TRAF3IP3: variants seen among roughly 807,000 people sequenced by gnomAD.
The protein encoded by TRAF3IP3 is TRAF3-interacting JNK-activating modulator.
Under a neutral mutation model 86.5 loss-of-function variants are expected in TRAF3IP3, and 64 were observed. The observed-to-expected ratio is 0.74, with a 90% CI of 0.60 to 0.91. The LOEUF (loss-of-function observed/expected upper bound fraction) is 0.91. Ranked by LOEUF, TRAF3IP3 falls within the 40% of genes least tolerant of loss-of-function variation. TRAF3IP3 has a pLI of 0.00. For missense variants in TRAF3IP3, 579 were observed against 642.9 expected, an observed-to-expected ratio of 0.90 and a Z score of 1.07; for synonymous variants, 220 against 243.9, an observed-to-expected ratio of 0.90 and a Z score of 0.91.
At chr1:209,766,021 G>A (rs1442499439) in intron 8 of TRAF3IP3, among the ~76,000 whole-genome samples, 1 of 152,170 alleles carries the variant, frequency 6.6e-6, no homozygotes, top group Non-Finnish European at 1.5e-5. Context: ...GCACCGGGTG[G>A]AAAGAGATGG....
intron 1 of TRAF3IP3, among the ~76,000 whole-genome samples, chr1:209,756,860 G>C (rs887434379): frequency 6.6e-6 from 1 of 152,224 alleles, no homozygotes; most frequent in African/African-American, 2.4e-5. Context: ...TGAGAGACCA[G>C]GCTGAGCCTT....
intron 11 of TRAF3IP3, 109 bp downstream of exon 11, chr1:209,775,845 C>T: frequency 9.6e-7 from 1 of 1,037,428 alleles, no homozygotes; most frequent in African/African-American, 1.6e-5. Context: ...CAGCATCTGG[C>T]TTTCAGTTCC....
chr1:209,766,060 A>G (rs1038890054), intron 8 of TRAF3IP3, among the ~76,000 whole-genome samples: 15 of 152,220 alleles, frequency 9.9e-5, no homozygotes, highest in African/African-American at 3.4e-4. Context: ...CCTGTGTGAC[A>G]TCTCACCCTA....
In TRAF3IP3 at chr1:209,779,406, T is replaced by C. The variant is rs1170535167; in HGVS notation, c.1312+32T>C. On this transcript the variant is annotated intron_variant, in intron 14 of 16. Coordinates refer to ENST00000367025, the MANE Select transcript of TRAF3IP3 (RefSeq NM_025228.4). ...AAATTTATTACCACAAATTCTAAGA[T>C]ATTGCTCTTCTCTTACCTGCCTAGA... 1.9e-6 allele frequency: 3 copies of C among 1,591,170 alleles called. No individual in the cohort carries two copies. In the South Asian group the frequency reaches 3.3e-5, roughly 18 times the overall value.
At chr1:209,767,850 A>G (rs1344081585) in intron 8 of TRAF3IP3, among the ~76,000 whole-genome samples, 1 of 152,086 alleles carries the variant, frequency 6.6e-6, no homozygotes, top group Non-Finnish European at 1.5e-5. Flanking sequence ...ATTAAGAGAC[A>G]TTTCTGGGTT....
At chr1:209,770,967 CGTGTGCATGTGGAGGTGTGT>C (rs2077484516) in intron 8 of TRAF3IP3, among the ~76,000 whole-genome samples, 2 of 59,254 alleles carry the variant, frequency 3.4e-5, no homozygotes, top group African/African-American at 6.6e-5. Context: ...TGGAGGGGTG[CGTGTGCATGTGGAGGTGTGT>C]GTGTGCAGGT....
chr1:209,763,580 CT>C lies in TRAF3IP3; in HGVS notation c.697del (p.Trp233GlyfsTer10). On this transcript the variant is annotated frameshift_variant, in exon 8 of 17. Transcript: ENST00000367025. LOFTEE classifies it high-confidence loss of function. The part of the protein sequence containing the change: ...LSTLIQASDS[S>X]WKGQLNEDKL... ...ACTCTGATTCAGGCCTCTGACAGCT[CT>C]TGGAAGGTAAGGGAATGAAATTCTT... is the stretch of plus-strand genomic sequence containing the variant. 1 of 1,613,140 alleles carries C rather than the reference CT, an allele frequency of 6.2e-7. No individual in the cohort carries two copies. The highest frequency in any genetic ancestry group is 8.5e-7 in the Non-Finnish European group (1 of 1,179,264).
At chr1:209,763,184 G>A (rs2077278355) in intron 6 of TRAF3IP3, 92 bp downstream of exon 6, 6 of 1,469,560 alleles carry the variant, frequency 4.1e-6, no homozygotes, top group South Asian at 1.1e-5. Context: ...GGGATGGAGG[G>A]GCATCTTCTT....
At chr1:209,768,333 C>T (rs1350299637) in intron 8 of TRAF3IP3, 1 of 985,316 alleles carries the variant, frequency 1.0e-6, no homozygotes, top group Non-Finnish European at 1.2e-6. Context: ...ATACCATAGG[C>T]TCTGGGGCAC....
At chr1:209,780,342 A>G in intron 14 of TRAF3IP3, 128 bp from the exon 15 acceptor site, 3 of 789,964 alleles carry the variant, frequency 3.8e-6, no homozygotes, top group African/African-American at 3.5e-5. Flanking sequence ...AGAGAATGCC[A>G]TCAGTCTAGC....
In TRAF3IP3 at chr1:209,760,249, C is replaced by T; in HGVS notation, c.210C>T (p.Asn70=). The T allele has an allele frequency of 1.9e-6, 3 of 1,614,230 alleles. No individual in the cohort carries two copies. The highest frequency in any genetic ancestry group is 2.5e-6 in the Non-Finnish European group (3 of 1,180,046). The change falls in exon 3 of 17, where the codon AAC becomes AAT. Residue 70 remains asparagine, a synonymous_variant. Coordinates refer to ENST00000367025, the MANE Select transcript of TRAF3IP3 (RefSeq NM_025228.4). ...TGCAGCAGTTCTTCAGGAGGAGGAA[C>T]CTGGAGCTAGAGGAGAAGGGCAAAG... ...ARLQQFFRRR[N]LELEEKGKAQ...
intron 8 of TRAF3IP3, among the ~76,000 whole-genome samples, chr1:209,767,673 T>C (rs1448292066): frequency 6.6e-6 from 1 of 150,652 alleles, no homozygotes; most frequent in East Asian, 1.9e-4. Flanking sequence ...AGACCCTGTC[T>C]TGAAAAAAAA....
chr1:209,778,349 G>A, intron 13 of TRAF3IP3, 176 bp downstream of exon 13: 1 of 529,454 alleles, frequency 1.9e-6, no homozygotes, highest in South Asian at 2.9e-5. Flanking sequence ...CATAAATTAT[G>A]TGTTAGCCTC....
chr1:209,760,079 C>G lies in TRAF3IP3; in HGVS notation c.40C>G (p.Arg14Gly). The G allele has an allele frequency of 6.2e-7, 1 of 1,614,016 alleles. No homozygotes were observed. The highest frequency in any genetic ancestry group is 8.5e-7 in the Non-Finnish European group (1 of 1,179,978). The part of the protein sequence containing the change: ...PDPRPSPGLA[R>G]WAESYEAKCE... ...CCCCAGGCCCTCCCCTGGCTTGGCC[C>G]GGTGGGCTGAGAGCTATGAGGCCAA... is the stretch of plus-strand genomic sequence containing the variant. Residue 14 changes from arginine (R) to glycine (G), a missense_variant, in exon 3 of 17, where the codon CGG becomes GGG. Physicochemically the swap from Arg to Gly is moderately radical, Grantham distance 125. Coordinates refer to ENST00000367025, the MANE Select transcript of TRAF3IP3 (RefSeq NM_025228.4).
intron 11 of TRAF3IP3, 93 bp downstream of exon 11, chr1:209,775,829 AG>A: frequency 2.4e-6 from 3 of 1,260,350 alleles, no homozygotes; most frequent in Admixed American, 2.6e-5. Context: ...CTCCAAAGGC[AG>A]CTGACAGCAT....
rs1014393622 is a variant in TRAF3IP3 at position 209,778,235 on chromosome 1, AG to A, written c.1252+64del. The A allele has an allele frequency of 2.1e-6, 3 of 1,425,136 alleles. No homozygotes were observed. In the African/African-American group the frequency reaches 4.2e-5, roughly 20 times the overall value. 88.3% of individuals were successfully genotyped at this position (1,425,136 alleles called of 1,614,324 possible). A position where few individuals can be genotyped will look rare whatever the true frequency, so the allele number is the denominator to read the frequency against. Reference sequence around the variant, plus strand: ...TTTTCCTGGGGTCCTGGCCCACAAAAGGCACCCAGAGTAGGGACTAAGGGCC... The same window carrying A: ...TTTTCCTGGGGTCCTGGCCCACAAAAGCACCCAGAGTAGGGACTAAGGGCC... On this transcript the variant is annotated intron_variant, in intron 13 of 16. Coordinates refer to ENST00000367025, the MANE Select transcript of TRAF3IP3 (RefSeq NM_025228.4).
intron 8 of TRAF3IP3, chr1:209,768,182 A>G (rs34598204): frequency 1.3e-5 from 13 of 985,310 alleles, no homozygotes; most frequent in Non-Finnish European, 1.6e-5. Context: ...ACTGGTTCAG[A>G]CCTTTATTTT....
chr1:209,775,530 G>A, intron 10 of TRAF3IP3, 41 bp downstream of exon 10: 2 of 1,614,168 alleles, frequency 1.2e-6, no homozygotes, highest in South Asian at 1.1e-5. Context: ...GGGACTCCAG[G>A]CAGCTTGGGG....
At position 209,760,143 on chromosome 1, in the gene TRAF3IP3, G is replaced by T; in HGVS notation, c.104G>T (p.Cys35Phe). 1 of 1,614,240 alleles carries T rather than the reference G, an allele frequency of 6.2e-7. No homozygotes were observed. The highest frequency in any genetic ancestry group is 8.5e-7 in the Non-Finnish European group (1 of 1,180,042). The change falls in exon 3 of 17, where the codon TGC (cysteine) becomes TTC (phenylalanine). Residue 35 changes from cysteine to phenylalanine, a missense_variant. Cys to Phe is a radical substitution (Grantham distance 205). Coordinates refer to ENST00000367025, the MANE Select transcript of TRAF3IP3 (RefSeq NM_025228.4). Reference sequence around the variant, plus strand: ...CAAGAGATCCGTGAAAGCCGCCGCTGCCGTCCCAATGTGACCACTTGCCGC... The same window carrying T: ...CAAGAGATCCGTGAAAGCCGCCGCTTCCGTCCCAATGTGACCACTTGCCGC... ...RRQEIRESRRCRPNVTTCRQV... is the reference protein window; with the variant it reads ...RRQEIRESRRFRPNVTTCRQV...
Sources: allele counts gnomAD v4.1 joint callset (sites outside exome capture counted in the v4.1 genomes callset), GRCh38; gene constraint gnomAD v4.1.1; transcripts MANE v1.5; gene names NCBI Gene and HGNC (gene_info 2026-07-23, HGNC 2026-07-21).